The following PCDHA2 variants were observed in gnomAD, a reference collection of about 807,000 sequenced individuals.
The protein encoded by PCDHA2 is protocadherin alpha 2.
PCDHA2 carries 58 observed loss-of-function variants against 66.0 expected under a neutral mutation model. The observed-to-expected ratio is 0.88, with a 90% CI of 0.71 to 1.09. PCDHA2 has a LOEUF of 1.09. Among genes scored for constraint, PCDHA2 ranks in the 50% least tolerant of loss-of-function variants. The pLI, the probability that PCDHA2 is intolerant of heterozygous loss-of-function variation, is 0.00. For missense variants in PCDHA2, 1,267 were observed against 1,242.3 expected, an observed-to-expected ratio of 1.02 and a Z score of -0.30; for synonymous variants, 634 against 554.0, an observed-to-expected ratio of 1.14 and a Z score of -2.03.
Position 140,794,881 on chromosome 5 carries a change from C to A in PCDHA2, c.-84C>A. On this transcript the variant is annotated 5_prime_UTR_variant, in exon 1 of 4. Transcript: ENST00000526136. ...CAGAGAAGCGGAGGAATAAGAGAAG[C>A]AGCAGGACTTTAACAGAGACTAGAA... The A allele has an allele frequency of 2.9e-6, 4 of 1,395,998 alleles. No individual in the cohort carries two copies. The highest frequency in any genetic ancestry group is 3.9e-6 in the Non-Finnish European group (4 of 1,024,298). 86.5% of individuals were successfully genotyped at this position (1,395,998 alleles called of 1,614,324 possible). A position where few individuals can be genotyped will look rare whatever the true frequency, so the allele number is the denominator to read the frequency against.
At chr5:140,850,666 C>G in intron 1 of PCDHA2, 1 of 1,598,434 alleles carries the variant, frequency 6.3e-7, no homozygotes, top group Non-Finnish European at 8.6e-7. Flanking sequence ...CTGCGGTGCT[C>G]GGCGATGCCC....
At chr5:140,829,392 C>A in intron 1 of PCDHA2, 1 of 1,614,160 alleles carries the variant, frequency 6.2e-7, no homozygotes, top group Non-Finnish European at 8.5e-7. Flanking sequence ...GGCTCGCCTT[C>A]GCTGTGGGCC....
At chr5:140,862,638 C>T (rs782579250) in intron 1 of PCDHA2, 2 of 539,918 alleles carry the variant, frequency 3.7e-6, no homozygotes, top group African/African-American at 1.9e-5. Flanking sequence ...GCCACGACTT[C>T]ACAGTGTCCG....
At chr5:140,809,951 C>G (rs1277877480) in intron 1 of PCDHA2, 3 of 163,348 alleles carry the variant, frequency 1.8e-5, no homozygotes, top group African/African-American at 7.2e-5. Context: ...TGAAAAGCTC[C>G]GTTGCCTCCA....
At chr5:140,834,568 G>A (rs2150221321) in intron 1 of PCDHA2, 2 of 1,613,978 alleles carry the variant, frequency 1.2e-6, no homozygotes, top group South Asian at 1.1e-5. Flanking sequence ...CTGGTGCCGC[G>A]CCTGTTCCGG....
rs200722492 is a variant in PCDHA2, at chr5:140,856,425, A to T, written c.2388+59073A>T. ...GTGGACGTGGAAGTGAAGGACATTAACGACAACCCGCCCAGGTTCTCCGTA... is the reference window on the plus strand; with the variant it reads ...GTGGACGTGGAAGTGAAGGACATTATCGACAACCCGCCCAGGTTCTCCGTA... On this transcript the variant is annotated intron_variant, in intron 1 of 3. Transcript: ENST00000526136. The T allele has an allele frequency of 2.3e-5, 37 of 1,598,204 alleles. 1 individual carries two copies. The highest frequency in any genetic ancestry group is 1.9e-4 in the Admixed American group (11 of 59,214).
rs576221086 is a variant in PCDHA2, at chr5:140,933,031, A to G, written c.2389-45918A>G. Among the ~76,000 whole-genome samples, 5 of 152,154 alleles carry G rather than the reference A, an allele frequency of 3.3e-5. No individual in the cohort carries two copies. The South Asian group carries it at 6.2e-4, about 19-fold the overall frequency. ...AATATTAACACTTGGCAGAACTTCAAGTGAATATGGATTACAGTCCAGGAT... is the reference window on the plus strand; with the variant it reads ...AATATTAACACTTGGCAGAACTTCAGGTGAATATGGATTACAGTCCAGGAT... On this transcript the variant is annotated intron_variant, in intron 1 of 3. Coordinates refer to ENST00000526136, the MANE Select transcript of PCDHA2 (RefSeq NM_018905.3).
At chr5:140,871,612 G>T in intron 1 of PCDHA2, 1 of 1,427,256 alleles carries the variant, frequency 7.0e-7, no homozygotes, top group East Asian at 2.5e-5. Flanking sequence ...TTTGAATATT[G>T]TTTTAGATAA....
chr5:140,917,874 C>T (rs1240832097), intron 1 of PCDHA2, among the ~76,000 whole-genome samples: 2 of 151,008 alleles, frequency 1.3e-5, no homozygotes, highest in African/African-American at 4.9e-5. Context: ...ACTATTTGGG[C>T]TCTTTTTTTT....
chr5:140,823,942 T>C, intron 1 of PCDHA2: 1 of 1,613,786 alleles, frequency 6.2e-7, no homozygotes. Context: ...GCTGCGGTGC[T>C]CGGCGCAGCC....
chr5:140,856,524 C>G, intron 1 of PCDHA2: 1 of 1,598,296 alleles, frequency 6.3e-7, no homozygotes, highest in Non-Finnish European at 8.6e-7. Context: ...GCATCTGATG[C>G]GGATGTTGGA....
intron 1 of PCDHA2, chr5:140,851,096 T>A (rs2041958887): frequency 7.7e-7 from 1 of 1,292,466 alleles, no homozygotes; most frequent in Non-Finnish European, 1.0e-6. Context: ...AAATAGATAT[T>A]TTTTGGGTGC....
Position 141,009,859 on chromosome 5 carries a change from G to A in PCDHA2, c.2769G>A (p.Lys923=). The A allele has an allele frequency of 1.2e-6, 2 of 1,613,884 alleles. No homozygotes were observed. Among genetic ancestry groups the A allele is most frequent in the Non-Finnish European group, 1.7e-6 (2 of 1,179,960 alleles). The part of the protein sequence containing the change: ...TFGKKEETKK[K]KKKKKGNKTQ... ...GCAAAAAGGAGGAGACCAAGAAAAA[G>A]AAGAAAAAGAAGAAGGGTAACAAGA... The change falls in exon 4 of 4, where the codon AAG becomes AAA. Residue 923 remains lysine (K), a synonymous_variant. Transcript: ENST00000526136.
intron 1 of PCDHA2, among the ~76,000 whole-genome samples, chr5:140,880,775 ATGTT>A (rs1320602954): frequency 6.6e-6 from 1 of 152,230 alleles, no homozygotes; most frequent in Admixed American, 6.5e-5. Context: ...GCTAAAAAGA[ATGTT>A]AGAGGAGTAA....
intron 1 of PCDHA2, chr5:140,858,795 C>A: frequency 2.6e-6 from 1 of 379,570 alleles, no homozygotes; most frequent in Non-Finnish European, 4.8e-6. Context: ...ATTTCATTTC[C>A]AATCTAAATT....
In PCDHA2 at chr5:140,835,864, T is replaced by C. The variant is rs2150246825; in HGVS notation, c.2388+38512T>C. 15 of 1,611,970 alleles carry C rather than the reference T, an allele frequency of 9.3e-6. No homozygotes were observed. The highest frequency in any genetic ancestry group is 1.2e-5 in the Non-Finnish European group (14 of 1,179,634). ...AAGAACGCGCTGGTGTCCTACTCGC[T>C]GGTGGAGCTGCGGGTGGGCGAGCGC... On this transcript the variant is annotated intron_variant, in intron 1 of 3. Transcript: ENST00000526136.
chr5:140,851,936 G>C (rs1554145612), intron 1 of PCDHA2: 1 of 965,662 alleles, frequency 1.0e-6, no homozygotes, highest in African/African-American at 1.8e-5. Flanking sequence ...CTGAATTGTA[G>C]TATGTGACTT....
intron 1 of PCDHA2, chr5:140,803,151 A>G (rs1763129219): frequency 6.2e-7 from 1 of 1,613,848 alleles, no homozygotes; most frequent in Non-Finnish European, 8.5e-7. Flanking sequence ...GGTGCTGGTG[A>G]AGGACCACGG....
intron 1 of PCDHA2, chr5:140,850,811 C>T: frequency 6.3e-7 from 1 of 1,598,320 alleles, no homozygotes; most frequent in Non-Finnish European, 8.6e-7. Flanking sequence ...TCATGGCCTT[C>T]AGCCCGGGCC....
Sources: allele counts gnomAD v4.1 joint callset (sites outside exome capture counted in the v4.1 genomes callset), GRCh38; gene constraint gnomAD v4.1.1; transcripts MANE v1.5; gene names NCBI Gene and HGNC (gene_info 2026-07-23, HGNC 2026-07-21).